The following TENM3 variants were observed in gnomAD, a reference collection of about 807,000 sequenced individuals.
TENM3 encodes teneurin-3.
In TENM3, 63 loss-of-function variants were observed where a neutral mutation model predicts 255.1. The ratio of observed to expected loss-of-function variants is 0.25; its 90% CI spans 0.20 to 0.30. The LOEUF is 0.30. Ranked by LOEUF, TENM3 falls within the 10% of genes least tolerant of loss-of-function variation. TENM3 has a pLI of 1.00. For synonymous variants in TENM3, 1,306 were observed against 1,322.3 expected (o/e 0.99, Z 0.27); for missense variants, 2,929 against 3,461.1 (o/e 0.85, Z 3.86).
intron 17 of TENM3, 70 bp downstream of exon 17, chr4:182,737,145 A>T (rs1761232204): frequency 3.4e-6 from 5 of 1,487,752 alleles, no homozygotes; most frequent in African/African-American, 1.4e-5. Flanking sequence ...AATTAATTGT[A>T]ACCCAGGGAA....
At chr4:182,520,681 C>G (rs1200393502) in intron 3 of TENM3, among the ~76,000 whole-genome samples, 1 of 152,088 alleles carries the variant, frequency 6.6e-6, no homozygotes, top group Non-Finnish European at 1.5e-5. Context: ...ACTTTTTTCC[C>G]TAGAAGTAAA....
the TENM3 span, among the ~76,000 whole-genome samples, chr4:182,008,578 C>T: frequency 1.3e-5 from 2 of 151,952 alleles, no homozygotes; most frequent in African/African-American, 4.8e-5. Context: ...TGTTTTTCAG[C>T]TCCATCAAGT....
chr4:181,953,913 G>A, the TENM3 span, among the ~76,000 whole-genome samples: 6 of 152,154 alleles, frequency 3.9e-5, no homozygotes, highest in East Asian at 3.9e-4. Flanking sequence ...CACCCTGAAC[G>A]TTTTCTTGTG....
At chr4:182,563,773 C>T (rs1743474333) in intron 3 of TENM3, among the ~76,000 whole-genome samples, 1 of 152,158 alleles carries the variant, frequency 6.6e-6, no homozygotes, top group Non-Finnish European at 1.5e-5. Flanking sequence ...GTAAGGAATA[C>T]ACTAGGAAAA....
chr4:181,948,500 C>T, the TENM3 span, among the ~76,000 whole-genome samples: 82,376 of 151,386 alleles, frequency 0.54, 22,821 homozygotes, highest in African/African-American at 0.59. Context: ...ACTGCAACCT[C>T]CACCTCCCAG....
intron 3 of TENM3, among the ~76,000 whole-genome samples, chr4:182,561,145 GAAA>G (rs1414607136): frequency 1.3e-5 from 2 of 151,592 alleles, no homozygotes; most frequent in African/African-American, 2.4e-5. Flanking sequence ...ATTAATAATT[GAAA>G]AAAAGACAAA....
intron 1 of TENM3, among the ~76,000 whole-genome samples, chr4:182,258,636 C>T (rs1443676276): frequency 3.3e-5 from 5 of 152,138 alleles, no homozygotes; most frequent in Non-Finnish European, 7.4e-5. Flanking sequence ...CATTGCTTTC[C>T]GAGTTTCACC....
Position 182,330,828 on chromosome 4 carries a change from A to G in TENM3, c.232+6576A>G, listed in dbSNP as rs372117501. On this transcript the variant is annotated intron_variant, in intron 2 of 27. Coordinates refer to ENST00000511685, the MANE Select transcript of TENM3 (RefSeq NM_001080477.4). ...GGAAATGTGTCAGAAGCACTACAAG[A>G]GAAACCTTAACAGAAGGCTGGAACT... Among the ~76,000 whole-genome samples, 77 of 152,358 alleles carry G rather than the reference A, an allele frequency of 5.1e-4. No homozygotes were observed. In the East Asian group the frequency reaches 0.01, roughly 21 times the overall value.
chr4:182,147,352 A>G (rs1258360385), intron 1 of TENM3, among the ~76,000 whole-genome samples: 1 of 152,214 alleles, frequency 6.6e-6, no homozygotes, highest in African/African-American at 2.4e-5. Flanking sequence ...ATACTAGGGA[A>G]TAAGTTCAGA....
At chr4:182,296,332 T>C (rs1419130599) in intron 1 of TENM3, among the ~76,000 whole-genome samples, 1 of 152,262 alleles carries the variant, frequency 6.6e-6, no homozygotes, top group Non-Finnish European at 1.5e-5. Context: ...AAAACTCTTT[T>C]AGGATCTCTG....
chr4:182,066,590 TAAAA>T, the TENM3 span, among the ~76,000 whole-genome samples: 14 of 136,328 alleles, frequency 1.0e-4, no homozygotes, highest in South Asian at 2.3e-4. Context: ...AGAATTATGG[TAAAA>T]AAAAAATATA....
chr4:182,173,404 G>T (rs1752233240), intron 1 of TENM3, among the ~76,000 whole-genome samples: 2 of 152,162 alleles, frequency 1.3e-5, no homozygotes, highest in South Asian at 4.1e-4. Flanking sequence ...GGAAGTTGTG[G>T]TTAAACCTTG....
chr4:182,543,587 T>G (rs1015657563), intron 3 of TENM3, among the ~76,000 whole-genome samples: 2 of 152,182 alleles, frequency 1.3e-5, no homozygotes, highest in Non-Finnish European at 2.9e-5. Flanking sequence ...TGTTCCCTTA[T>G]CTTTAAAAAC....
the TENM3 span, among the ~76,000 whole-genome samples, chr4:181,928,808 C>A: frequency 3.8e-4 from 58 of 152,282 alleles, 2 homozygotes; most frequent in South Asian, 0.012. Context: ...CAAAGGAAAG[C>A]CCATCAGACT....
the TENM3 span, among the ~76,000 whole-genome samples, chr4:182,045,308 T>C: frequency 0.014 from 2,098 of 152,008 alleles, 24 homozygotes; most frequent in Non-Finnish European, 0.023. Flanking sequence ...TCAGGCTGAT[T>C]GAATGCTTTG....
chr4:181,787,256 T>C, the TENM3 span, among the ~76,000 whole-genome samples: 4 of 151,618 alleles, frequency 2.6e-5, no homozygotes, highest in African/African-American at 9.7e-5. Context: ...GCAATTAAGA[T>C]ACCAAATGAT....
At chr4:182,605,261 G>A (rs6814485) in intron 4 of TENM3, among the ~76,000 whole-genome samples, 18,459 of 152,138 alleles carry the variant, frequency 0.12, 2,159 homozygotes, top group East Asian at 0.54. Context: ...AAATATGCCT[G>A]GGAAGGTAGC....
intron 4 of TENM3, among the ~76,000 whole-genome samples, chr4:182,626,376 G>A (rs1303497282): frequency 6.6e-6 from 1 of 152,194 alleles, no homozygotes; most frequent in Non-Finnish European, 1.5e-5. Context: ...AATAGAGACT[G>A]TGATATGTGA....
rs1406823954 is a variant in TENM3, at chr4:182,754,871, A to C, written c.4504A>C (p.Lys1502Gln). Residue 1502 changes from lysine to glutamine, a missense_variant, in exon 22 of 28, where the codon AAG (lysine) becomes CAG (glutamine). Around this residue, in one of 6 missense-constraint regions of TENM3, gnomAD observed 1,608 missense variants for 1,884.4 expected, o/e 0.85. Coordinates refer to ENST00000511685, the MANE Select transcript of TENM3 (RefSeq NM_001080477.4). This position sits in a 1 kb window ranked among gnomAD's most constrained non-coding sequence, Gnocchi z 5.1. The part of the protein sequence containing the change: ...NIRIRAVSKN[K>Q]PLLNSMNFYE... Reference sequence around the variant, plus strand: ...CCGGATCCGGGCTGTGTCAAAGAATAAGCCTTTACTTAACTCTATGAACTT... The same window carrying C: ...CCGGATCCGGGCTGTGTCAAAGAATCAGCCTTTACTTAACTCTATGAACTT... 6.2e-7 allele frequency: 1 copy of C among 1,614,062 alleles called. No homozygotes were observed. Among genetic ancestry groups the C allele is most frequent in the Non-Finnish European group, 8.5e-7 (1 of 1,179,904 alleles).
Sources: allele counts gnomAD v4.1 joint callset (sites outside exome capture counted in the v4.1 genomes callset), GRCh38; gene constraint gnomAD v4.1.1; regional missense constraint gnomAD v4.1.1; non-coding constraint Gnocchi (gnomAD v3.1); transcripts MANE v1.5; gene names NCBI Gene and HGNC (gene_info 2026-07-23, HGNC 2026-07-21).